The following ADCY5 variants were observed in gnomAD, a reference collection of about 807,000 sequenced individuals.
The protein encoded by ADCY5 is adenylate cyclase 5, also known as adenylate cyclase type 5.
A neutral mutation model predicts 119.7 loss-of-function variants in ADCY5; 30 were observed. The observed-to-expected ratio is 0.25, with a 90% confidence interval of 0.19 to 0.34. The LOEUF is 0.34. ADCY5 is among the 10% of genes least tolerant of loss of function. The pLI, the probability that ADCY5 is intolerant of heterozygous loss-of-function variation, is 1.00. For missense variants in ADCY5, 1,324 were observed against 1,775.2 expected (o/e 0.75, Z 4.57); for synonymous variants, 753 against 762.2 (o/e 0.99, Z 0.20).
In ADCY5 at chr3:123,283,317, C is replaced by T. The variant is rs989933847; in HGVS notation, c.*1291G>A. 3 of 152,198 alleles carry T rather than the reference C, an allele frequency of 2.0e-5. No individual in the cohort carries two copies. The highest frequency in any genetic ancestry group is 4.1e-4 in the South Asian group (2 of 4,822). The allele number at this position is 152,198 out of a possible 1,614,324, so 9.4% of individuals were successfully genotyped here. A position where few individuals can be genotyped will look rare whatever the true frequency, so the allele number is the denominator to read the frequency against. On this transcript the variant is annotated 3_prime_UTR_variant, in exon 21 of 21. Transcript: ENST00000462833. Reference sequence around the variant, plus strand: ...ATCTGTGGGCGCTGCCTCTGTAAGCCGCAAACGTCTGAAATCTCAGGGTGT... The same window carrying T: ...ATCTGTGGGCGCTGCCTCTGTAAGCTGCAAACGTCTGAAATCTCAGGGTGT...
intron 19 of ADCY5, among the ~76,000 whole-genome samples, chr3:123,287,919 G>A (rs957813240): frequency 1.3e-5 from 2 of 152,222 alleles, no homozygotes; most frequent in African/African-American, 4.8e-5. Context: ...CAATCAAGGA[G>A]TTGAGGCTTT....
At chr3:123,330,444 G>A (rs1255784451) in intron 5 of ADCY5, among the ~76,000 whole-genome samples, 7 of 152,194 alleles carry the variant, frequency 4.6e-5, no homozygotes, top group African/African-American at 4.8e-5. Context: ...ATTTGAATCC[G>A]CCTGCCTGGT....
intron 1 of ADCY5, among the ~76,000 whole-genome samples, chr3:123,414,870 C>T (rs1265395120): frequency 2.0e-5 from 3 of 152,186 alleles, no homozygotes; most frequent in African/African-American, 7.2e-5. Context: ...GATGGCTCAT[C>T]TTTAAAGCAA....
chr3:123,447,305 G>A, intron 1 of ADCY5, 107 bp downstream of exon 1: 2 of 1,255,098 alleles, frequency 1.6e-6, no homozygotes, highest in Non-Finnish European at 2.1e-6. Context: ...CTGTCTCTCT[G>A]GCTCTTTTCA....
chr3:123,305,075 G>C (rs1015126224), intron 12 of ADCY5, among the ~76,000 whole-genome samples: 2 of 152,178 alleles, frequency 1.3e-5, no homozygotes, highest in African/African-American at 2.4e-5. Flanking sequence ...GGTTGAAAAA[G>C]CACTGAGCCA....
intron 1 of ADCY5, among the ~76,000 whole-genome samples, chr3:123,387,859 C>T (rs1944275754): frequency 6.6e-6 from 1 of 152,176 alleles, no homozygotes; most frequent in Non-Finnish European, 1.5e-5. Flanking sequence ...AGTACAACAG[C>T]TGGTCACGGT....
chr3:123,283,792 T>TGAGA lies in ADCY5; in HGVS notation c.*812_*815dup, dbSNP rs1434610236. The TGAGA allele has an allele frequency of 6.6e-6, 1 of 152,000 alleles. No homozygotes were observed. The highest frequency in any genetic ancestry group is 1.5e-5 in the Non-Finnish European group (1 of 68,020). 9.4% of individuals were successfully genotyped at this position (152,000 alleles called of 1,614,324 possible). A position where few individuals can be genotyped will look rare whatever the true frequency, so the allele number is the denominator to read the frequency against. Reference sequence around the variant, plus strand: ...ATATAGAATTTGGCATATCTATCTGTGAGATCTCCAAGGCTTTCAATAATA... The same window carrying TGAGA: ...ATATAGAATTTGGCATATCTATCTGTGAGAGAGATCTCCAAGGCTTTCAATAATA... On this transcript the variant is annotated 3_prime_UTR_variant, in exon 21 of 21. Coordinates refer to ENST00000462833, the MANE Select transcript of ADCY5 (RefSeq NM_183357.3).
chr3:123,437,130 T>C (rs913185995), intron 1 of ADCY5, among the ~76,000 whole-genome samples: 1 of 152,140 alleles, frequency 6.6e-6, no homozygotes, highest in Non-Finnish European at 1.5e-5. Flanking sequence ...ATTAAGCCTG[T>C]AACCACTGTG....
intron 13 of ADCY5, among the ~76,000 whole-genome samples, chr3:123,303,718 G>A (rs1017066118): frequency 1.3e-5 from 2 of 152,188 alleles, no homozygotes; most frequent in African/African-American, 4.8e-5. Flanking sequence ...CCAGCTACTT[G>A]GGAGGCTGAG....
In ADCY5 at chr3:123,319,931, C is replaced by T. The variant is rs376249888; in HGVS notation, c.2112-113G>A. 14 of 1,422,336 alleles carry T rather than the reference C, an allele frequency of 9.8e-6. No individual in the cohort carries two copies. The African/African-American group carries it at 1.7e-4, about 17-fold the overall frequency. The allele number at this position is 1,422,336 out of a possible 1,614,324, so 88.1% of individuals were successfully genotyped here. A position where few individuals can be genotyped will look rare whatever the true frequency, so the allele number is the denominator to read the frequency against. On this transcript the variant is annotated intron_variant, in intron 9 of 20. Coordinates refer to ENST00000462833, the MANE Select transcript of ADCY5 (RefSeq NM_183357.3). ...TCGGAGAGGCCTGGCAGCTGTCCACCATCAGCCCAATCAGGGCAGCGGGAG... is the reference window on the plus strand; with the variant it reads ...TCGGAGAGGCCTGGCAGCTGTCCACTATCAGCCCAATCAGGGCAGCGGGAG...
chr3:123,341,576 C>G (rs1029748476), intron 3 of ADCY5, among the ~76,000 whole-genome samples: 3 of 151,880 alleles, frequency 2.0e-5, no homozygotes, highest in Non-Finnish European at 4.4e-5. Flanking sequence ...GGTTGCACAA[C>G]AATTTGAATG....
At chr3:123,363,138 T>C (rs1307721972) in intron 1 of ADCY5, among the ~76,000 whole-genome samples, 1 of 136,610 alleles carries the variant, frequency 7.3e-6, no homozygotes, top group Non-Finnish European at 1.5e-5. Flanking sequence ...GCAAGATTCC[T>C]TCTTGAAAAA....
At chr3:123,401,940 A>T (rs746204715) in intron 1 of ADCY5, among the ~76,000 whole-genome samples, 1 of 152,226 alleles carries the variant, frequency 6.6e-6, no homozygotes, top group Non-Finnish European at 1.5e-5. Context: ...TGCACAGGTC[A>T]TACCTCAGAT....
At chr3:123,362,225 G>A (rs935433899) in intron 1 of ADCY5, among the ~76,000 whole-genome samples, 1 of 152,174 alleles carries the variant, frequency 6.6e-6, no homozygotes, top group African/African-American at 2.4e-5. Context: ...ATGTTATTGA[G>A]GAACTGCCCA....
At position 123,354,736 on chromosome 3, in the gene ADCY5, A is replaced by G. The variant is rs898628855; in HGVS notation, c.1135-2155T>C. Among the ~76,000 whole-genome samples the G allele has an allele frequency of 2.6e-5, 4 of 152,376 alleles. 1 individual carries two copies. In the South Asian group the frequency reaches 8.3e-4, roughly 32 times the overall value. ...GAGCTAGCCTCAGACAGGCTAGTGC[A>G]TCATGAAAATACTATACAACATGAC... On this transcript the variant is annotated intron_variant, in intron 1 of 20. Transcript: ENST00000462833.
intron 1 of ADCY5, chr3:123,418,733 A>ACGTGAGTTT (rs1945237487): frequency 6.6e-6 from 1 of 152,092 alleles, no homozygotes. Flanking sequence ...TCAAATTTCA[A>ACGTGAGTTT]CGTGAGTTTC....
At chr3:123,442,274 C>T (rs1169487706) in intron 1 of ADCY5, among the ~76,000 whole-genome samples, 3 of 152,206 alleles carry the variant, frequency 2.0e-5, no homozygotes, top group Non-Finnish European at 4.4e-5. Flanking sequence ...AAGCAGGCAG[C>T]CACGGACAGC....
chr3:123,368,088 T>C, intron 1 of ADCY5: 5 of 1,409,538 alleles, frequency 3.5e-6, no homozygotes, highest in Non-Finnish European at 4.6e-6. Flanking sequence ...AGGAGTGCTA[T>C]GCTGGGAGTC....
intron 1 of ADCY5, among the ~76,000 whole-genome samples, chr3:123,388,837 G>T (rs1021750448): frequency 1.3e-5 from 2 of 152,184 alleles, no homozygotes; most frequent in Admixed American, 6.5e-5. Context: ...TGTGAGATTG[G>T]GGAGGCACAT....
Sources: gnomAD v4.1 joint callset for allele counts (sites outside exome capture counted in the v4.1 genomes callset) on GRCh38, gnomAD v4.1.1 for gene constraint, MANE v1.5 for transcripts, NCBI Gene and HGNC (gene_info 2026-07-23, HGNC 2026-07-21) for gene names.